Variants in H2BC12 observed in about 807,000 individuals in gnomAD.
H2BC12 encodes histone H2B type 1-K.
Under a neutral mutation model 6.3 loss-of-function variants are expected in H2BC12, and 6 were observed. The observed-to-expected ratio is 0.95, with a 90% CI of 0.52 to 1.87. The LOEUF (loss-of-function observed/expected upper bound fraction) is 1.87, where lower values mean the gene tolerates loss of function less well. H2BC12 is among the 40% of genes most tolerant of loss of function. The probability of loss-of-function intolerance (pLI) is 0.01; values close to 1 mark genes in which losing one functional copy is unlikely to be tolerated. For missense variants in H2BC12, 119 were observed against 178.4 expected (o/e 0.67, Z 1.90); for synonymous variants, 132 against 78.5 (o/e 1.68, Z -3.60).
chr6:27,139,864 C>T, the H2BC12 span: 1 of 585,752 alleles, frequency 1.7e-6, no homozygotes, highest in African/African-American at 1.9e-5. Context: ...CTGGCGGCTG[C>T]CTGGAAATTG....
In H2BC12 at chr6:27,146,582, G is replaced by A; in HGVS notation, c.217C>T (p.Arg73Cys). 1 of 1,614,254 alleles carries A rather than the reference G, an allele frequency of 6.2e-7. No individual in the cohort carries two copies. The highest frequency in any genetic ancestry group is 8.5e-7 in the Non-Finnish European group (1 of 1,180,050). ...MNSFVNDIFE[R>C]IAGEASRLAH... is the part of the protein sequence containing the mutation. ...AGGCGGGAAGCCTCACCCGCGATGC[G>A]TTCGAAGATGTCGTTGACGAAGGAG... The change falls in exon 1 of 1, where the codon CGC (arginine) becomes TGC (cysteine). Residue 73 changes from arginine (R) to cysteine (C), a missense_variant. Physicochemically the swap from Arg to Cys is radical, Grantham distance 180. This residue lies in a region of H2BC12 where 69 missense variants were observed against 141.0 expected (regional missense o/e 0.49). Transcript: ENST00000356950.
the H2BC12 span, chr6:27,139,685 A>T: frequency 3.9e-6 from 6 of 1,523,170 alleles, no homozygotes; most frequent in Non-Finnish European, 5.3e-6. Context: ...GCTTTCAACA[A>T]AAGAGTTGAA....
chr6:27,146,004 A>G (rs541536574), downstream of H2BC12, among the ~76,000 whole-genome samples: 2 of 152,346 alleles, frequency 1.3e-5, no homozygotes, highest in East Asian at 1.9e-4. Flanking sequence ...ATTTACTAAT[A>G]TATAAACTCA....
chr6:27,143,756 G>A (rs1452829026), downstream of H2BC12, among the ~76,000 whole-genome samples: 1 of 150,790 alleles, frequency 6.6e-6, no homozygotes, highest in Admixed American at 6.6e-5. Flanking sequence ...TTCTGTGCAA[G>A]CGTTCTTCAG....
chr6:27,141,750 C>T (rs1351998502), downstream of H2BC12, among the ~76,000 whole-genome samples: 1 of 152,040 alleles, frequency 6.6e-6, no homozygotes, highest in Non-Finnish European at 1.5e-5. Flanking sequence ...CAATGTAACA[C>T]GTCCTTCCCT....
downstream of H2BC12, among the ~76,000 whole-genome samples, chr6:27,144,476 G>C (rs1419848637): frequency 6.3e-5 from 5 of 79,176 alleles, no homozygotes; most frequent in African/African-American, 1.5e-4. Context: ...GGGGGGGGGG[G>C]GCGGAATCTG....
At chr6:27,146,287 A>T (rs1309190148), downstream of H2BC12, 1 of 1,440,682 alleles carries the variant, frequency 6.9e-7, no homozygotes, top group African/African-American at 1.4e-5. Context: ...AGATCATGAT[A>T]ATCCCTTTAA....
the H2BC12 span, chr6:27,139,389 C>A: frequency 6.2e-7 from 1 of 1,614,234 alleles, no homozygotes; most frequent in African/African-American, 1.3e-5. Context: ...GCGACAACAT[C>A]CAGGGTATCA....
At chr6:27,146,256 C>T (rs1386965535), downstream of H2BC12, among the ~76,000 whole-genome samples, 1 of 152,226 alleles carries the variant, frequency 6.6e-6, no homozygotes, top group Non-Finnish European at 1.5e-5. Context: ...ACAAGCACTG[C>T]ATGCATTACT....
At chr6:27,146,349 A>T, downstream of H2BC12, 1 of 1,606,638 alleles carries the variant, frequency 6.2e-7, no homozygotes, top group Non-Finnish European at 8.5e-7. Flanking sequence ...TACAGCTCTA[A>T]TATCGATAAT....
chr6:27,139,734 G>A, the H2BC12 span: 1 of 1,416,544 alleles, frequency 7.1e-7, no homozygotes, highest in Non-Finnish European at 9.4e-7. Context: ...GCCATTGTCA[G>A]TGAGTTCTGT....
chr6:27,146,412 G>T lies in H2BC12; in HGVS notation c.*6C>A. On this transcript the variant is annotated 3_prime_UTR_variant, in exon 1 of 1. Coordinates refer to ENST00000356950, the MANE Select transcript of H2BC12 (RefSeq NM_001312653.2). ...GGTTGGGCTTTAAGACGCTTACTTGGCAAGTTTACTTAGCGCTGGTGTACT... is the reference window on the plus strand; with the variant it reads ...GGTTGGGCTTTAAGACGCTTACTTGTCAAGTTTACTTAGCGCTGGTGTACT... 2 of 1,614,208 alleles carry T rather than the reference G, an allele frequency of 1.2e-6. No individual in the cohort carries two copies. Among genetic ancestry groups the T allele is most frequent in the Non-Finnish European group, 1.7e-6 (2 of 1,180,034 alleles).
chr6:27,144,799 T>C (rs917203891), downstream of H2BC12, among the ~76,000 whole-genome samples: 1 of 152,152 alleles, frequency 6.6e-6, no homozygotes, highest in Non-Finnish European at 1.5e-5. Flanking sequence ...TTTTAGTTTA[T>C]TTTTTAATTT....
chr6:27,145,404 A>T (rs1170407158), downstream of H2BC12, among the ~76,000 whole-genome samples: 1 of 152,086 alleles, frequency 6.6e-6, no homozygotes, highest in Non-Finnish European at 1.5e-5. Context: ...AACCTAGCTT[A>T]AAATTCGTGG....
the H2BC12 span, among the ~76,000 whole-genome samples, chr6:27,141,339 CAT>C: frequency 6.6e-6 from 1 of 151,934 alleles, no homozygotes; most frequent in Non-Finnish European, 1.5e-5. Context: ...TCTCGTATCT[CAT>C]ATTCTTGTGA....
At chr6:27,139,240 C>G in the H2BC12 span, 7 of 1,506,476 alleles carry the variant, frequency 4.6e-6, no homozygotes, top group East Asian at 1.4e-4. Context: ...CAGTCTGGTC[C>G]GCAGAGGTTA....
the H2BC12 span, among the ~76,000 whole-genome samples, chr6:27,141,080 G>T: frequency 6.6e-6 from 1 of 152,000 alleles, no homozygotes; most frequent in South Asian, 2.1e-4. Context: ...CATTTAGGCG[G>T]CTTATGTCCT....
chr6:27,146,268 AGT>A (rs1327546236), downstream of H2BC12: 31 of 1,306,304 alleles, frequency 2.4e-5, no homozygotes, highest in East Asian at 1.2e-4. Context: ...TGCATTACTC[AGT>A]GTGATAAGAT....
At chr6:27,142,308 C>A (rs568873401), downstream of H2BC12, among the ~76,000 whole-genome samples, 1 of 151,980 alleles carries the variant, frequency 6.6e-6, no homozygotes, top group East Asian at 1.9e-4. Flanking sequence ...CTCTCGCTTT[C>A]GTCCCCCAGG....
Sources: allele counts gnomAD v4.1 joint callset (sites outside exome capture counted in the v4.1 genomes callset), GRCh38; gene constraint gnomAD v4.1.1; regional missense constraint gnomAD v4.1.1; transcripts MANE v1.5; gene names NCBI Gene and HGNC (gene_info 2026-07-23, HGNC 2026-07-21).